PRKN: variants seen among roughly 807,000 people sequenced by gnomAD.
PRKN encodes E3 ubiquitin-protein ligase parkin.
In PRKN, 56 loss-of-function variants were observed where a neutral mutation model predicts 59.5. The ratio of observed to expected loss-of-function variants is 0.94; its 90% CI spans 0.76 to 1.18. The LOEUF (loss-of-function observed/expected upper bound fraction) is 1.18. PRKN is among the 50% of genes most tolerant of loss of function. The pLI, the probability that PRKN is intolerant of heterozygous loss-of-function variation, is 0.00. For missense variants in PRKN, 657 were observed against 596.4 expected, an observed-to-expected ratio of 1.10 and a Z score of -1.06; for synonymous variants, 250 against 222.1, an observed-to-expected ratio of 1.13 and a Z score of -1.12.
chr6:162,252,316 C>A (rs73020793), intron 3 of PRKN, among the ~76,000 whole-genome samples: 3,658 of 152,264 alleles, frequency 0.024, 73 homozygotes, highest in Non-Finnish European at 0.04. Context: ...GTGAAGAATT[C>A]AGGAATAAGG....
intron 1 of PRKN, among the ~76,000 whole-genome samples, chr6:162,607,295 A>G (rs537652476): frequency 1.4e-4 from 22 of 152,304 alleles, no homozygotes; most frequent in African/African-American, 5.3e-4. Flanking sequence ...CATGGCCAGA[A>G]AAGTAGAAGA....
chr6:162,184,631 C>G (rs1783946474), intron 4 of PRKN, among the ~76,000 whole-genome samples: 2 of 152,154 alleles, frequency 1.3e-5, no homozygotes, highest in South Asian at 4.1e-4. Flanking sequence ...CCATGCGGAA[C>G]TGTGAGTCAG....
chr6:162,375,737 C>T (rs1344780636), intron 2 of PRKN, among the ~76,000 whole-genome samples: 1 of 108,992 alleles, frequency 9.2e-6, no homozygotes, highest in African/African-American at 3.9e-5. Flanking sequence ...ACAAATATGG[C>T]TTTGTACACA....
intron 1 of PRKN, among the ~76,000 whole-genome samples, chr6:162,706,167 C>T (rs1202852779): frequency 6.7e-6 from 1 of 149,382 alleles, no homozygotes; most frequent in Non-Finnish European, 1.5e-5. Flanking sequence ...AGCAGGAAAG[C>T]TGCCATTGTG....
At chr6:161,820,107 C>A (rs1225895656) in intron 6 of PRKN, among the ~76,000 whole-genome samples, 1 of 152,056 alleles carries the variant, frequency 6.6e-6, no homozygotes, top group Non-Finnish European at 1.5e-5. Context: ...ACTGTTTAAC[C>A]TCATTATTAA....
Position 161,483,710 on chromosome 6 carries a change from A to G in PRKN, c.1083+65144T>C, listed in dbSNP as rs547888428. 1.3e-5 allele frequency among the ~76,000 whole-genome samples: 2 copies of G among 152,324 alleles called. No homozygotes were observed. Among genetic ancestry groups the G allele is most frequent in the African/African-American group, 4.8e-5 (2 of 41,578 alleles). On this transcript the variant is annotated intron_variant, in intron 9 of 11. Coordinates refer to ENST00000366898, the MANE Select transcript of PRKN (RefSeq NM_004562.3). This position sits in a 1 kb window ranked among gnomAD's most constrained non-coding sequence, Gnocchi z 5.0. ...ACCTCTTCTACTTATTTCTTAAGGC[A>G]TGGGAGTGGCATAGTGAGATCCTGG...
chr6:161,897,915 T>A (rs371680316), intron 6 of PRKN, among the ~76,000 whole-genome samples: 1 of 121,568 alleles, frequency 8.2e-6, no homozygotes, highest in Non-Finnish European at 1.6e-5. Context: ...TGCAGTGAGC[T>A]GAGATCGCGC....
intron 9 of PRKN, among the ~76,000 whole-genome samples, chr6:161,469,585 A>G (rs867068816): frequency 6.6e-6 from 1 of 150,850 alleles, no homozygotes; most frequent in South Asian, 2.1e-4. Context: ...GAGAGAGAGA[A>G]AGAGAAAGAG....
intron 6 of PRKN, among the ~76,000 whole-genome samples, chr6:161,873,001 T>G: frequency 6.8e-6 from 1 of 146,450 alleles, no homozygotes; most frequent in Non-Finnish European, 1.5e-5. Context: ...CGAGCTAGTG[T>G]GTGGCTGGTT....
intron 3 of PRKN, among the ~76,000 whole-genome samples, chr6:162,250,083 T>C (rs1233777070): frequency 6.7e-6 from 1 of 150,194 alleles, no homozygotes; most frequent in East Asian, 2.0e-4. Flanking sequence ...GACGCAGAGG[T>C]TGCAGTGAGC....
intron 7 of PRKN, among the ~76,000 whole-genome samples, chr6:161,724,152 G>T (rs1051232050): frequency 2.0e-5 from 3 of 152,174 alleles, no homozygotes; most frequent in Non-Finnish European, 4.4e-5. Flanking sequence ...GAAAGGACGG[G>T]CACATGGAAT....
chr6:161,469,792 T>C (rs1297479401), intron 9 of PRKN, among the ~76,000 whole-genome samples: 1 of 152,142 alleles, frequency 6.6e-6, no homozygotes, highest in Non-Finnish European at 1.5e-5. Flanking sequence ...AGAAAATAAA[T>C]CTGTGTTGTT....
chr6:161,602,369 AACTGG>A (rs1451367229), intron 7 of PRKN, among the ~76,000 whole-genome samples: 1 of 152,240 alleles, frequency 6.6e-6, no homozygotes, highest in Non-Finnish European at 1.5e-5. Flanking sequence ...ACTAAAACAA[AACTGG>A]GTGCAAGTGA....
intron 7 of PRKN, among the ~76,000 whole-genome samples, chr6:161,653,158 C>T (rs557151899): frequency 2.0e-5 from 3 of 152,054 alleles, no homozygotes; most frequent in Non-Finnish European, 2.9e-5. Flanking sequence ...GGTCAAAGAT[C>T]GAGACCATCC....
intron 1 of PRKN, among the ~76,000 whole-genome samples, chr6:162,539,178 T>A (rs904424603): frequency 6.6e-6 from 1 of 152,092 alleles, no homozygotes; most frequent in African/African-American, 2.4e-5. Flanking sequence ...TGTTTCTCCA[T>A]GTAAACATTT....
chr6:161,678,216 C>CTT (rs3066554), intron 7 of PRKN, among the ~76,000 whole-genome samples: 1,156 of 64,920 alleles, frequency 0.018, 214 homozygotes, highest in African/African-American at 0.031. Context: ...TACTGAATCA[C>CTT]TTTTTTTTTT....
chr6:161,416,283 G>C (rs1787846774), intron 9 of PRKN, among the ~76,000 whole-genome samples: 1 of 152,034 alleles, frequency 6.6e-6, no homozygotes, highest in Admixed American at 6.5e-5. Context: ...GGCCACCTCT[G>C]CTCTAACATA....
chr6:161,925,376 C>T (rs368169852), intron 6 of PRKN, among the ~76,000 whole-genome samples: 5 of 152,072 alleles, frequency 3.3e-5, no homozygotes, highest in South Asian at 4.1e-4. Flanking sequence ...TGGAGACCAT[C>T]CTGGCTAACA....
chr6:161,969,788 T>C (rs550777192), intron 6 of PRKN, among the ~76,000 whole-genome samples: 14 of 152,352 alleles, frequency 9.2e-5, no homozygotes, highest in South Asian at 4.1e-4. Context: ...TTTTGCCTTA[T>C]AGATTTTCAT....
Sources: gnomAD v4.1 joint callset for allele counts (sites outside exome capture counted in the v4.1 genomes callset) on GRCh38, gnomAD v4.1.1 for gene constraint, Gnocchi (gnomAD v3.1) non-coding constraint, MANE v1.5 for transcripts, NCBI Gene and HGNC (gene_info 2026-07-23, HGNC 2026-07-21) for gene names.